Variants in PRKG1 observed in about 807,000 individuals in gnomAD.
PRKG1 encodes the protein cGMP-dependent protein kinase 1.
A neutral mutation model predicts 88.1 loss-of-function variants in PRKG1; 35 were observed. The observed-to-expected ratio is 0.40, with a 90% confidence interval of 0.30 to 0.53. The LOEUF (loss-of-function observed/expected upper bound fraction) is 0.53, where lower values mean the gene tolerates loss of function less well. PRKG1 is among the 20% of genes least tolerant of loss of function. The pLI is 0.59. For synonymous variants in PRKG1, 303 were observed against 292.5 expected, an observed-to-expected ratio of 1.04 and a Z score of -0.37; for missense variants, 540 against 839.8, an observed-to-expected ratio of 0.64 and a Z score of 4.41.
intron 10 of PRKG1, among the ~76,000 whole-genome samples, chr10:52,267,148 C>T (rs2339984): frequency 0.026 from 4,005 of 152,006 alleles, 283 homozygotes; most frequent in East Asian, 0.23. Flanking sequence ...TAAATGTCAC[C>T]TTACAATTCA....
At chr10:51,852,777 A>G (rs540832038) in intron 4 of PRKG1, among the ~76,000 whole-genome samples, 1 of 152,310 alleles carries the variant, frequency 6.6e-6, no homozygotes, top group South Asian at 2.1e-4. Flanking sequence ...CTGGCACCAC[A>G]AAATTATGTA....
chr10:52,227,973 G>A (rs1252090386), intron 9 of PRKG1, among the ~76,000 whole-genome samples: 3 of 152,034 alleles, frequency 2.0e-5, no homozygotes, highest in East Asian at 1.9e-4. Context: ...GGAAGTTAGC[G>A]ATGCCATAGC....
At chr10:52,277,560 T>C (rs1017730358) in intron 12 of PRKG1, among the ~76,000 whole-genome samples, 1 of 152,146 alleles carries the variant, frequency 6.6e-6, no homozygotes, top group African/African-American at 2.4e-5. Context: ...AGATAGTTAC[T>C]GTTATTAGCC....
At chr10:51,512,979 T>G (rs932786887) in intron 3 of PRKG1, among the ~76,000 whole-genome samples, 1 of 145,642 alleles carries the variant, frequency 6.9e-6, no homozygotes, top group Admixed American at 7.0e-5. Context: ...ATTTTTTGGC[T>G]GCATAAATGT....
intron 1 of PRKG1, among the ~76,000 whole-genome samples, chr10:51,067,186 T>C (rs1843761171): frequency 6.7e-6 from 1 of 148,702 alleles, no homozygotes; most frequent in Non-Finnish European, 1.5e-5. Flanking sequence ...CTGTGGGAGG[T>C]GGGATAGGAT....
At chr10:51,438,052 T>TA (rs1838989046) in intron 2 of PRKG1, among the ~76,000 whole-genome samples, 1 of 151,810 alleles carries the variant, frequency 6.6e-6, no homozygotes, top group African/African-American at 2.4e-5. Context: ...TATAGACTCT[T>TA]AGGTTCTATT....
chr10:51,195,877 T>C (rs932707794), intron 2 of PRKG1, among the ~76,000 whole-genome samples: 7 of 152,338 alleles, frequency 4.6e-5, no homozygotes, highest in Non-Finnish European at 7.4e-5. Context: ...CCCTGTGATA[T>C]GAGCTGGAGA....
At chr10:52,027,019 AT>A (rs140793862) in intron 5 of PRKG1, among the ~76,000 whole-genome samples, 6,155 of 152,262 alleles carry the variant, frequency 0.04, 286 homozygotes, top group African/African-American at 0.12. Context: ...TATGAATTAT[AT>A]CTCAATTTAA....
chr10:52,176,478 C>T (rs950202501), intron 9 of PRKG1, among the ~76,000 whole-genome samples: 21 of 151,960 alleles, frequency 1.4e-4, no homozygotes, highest in African/African-American at 4.8e-4. Flanking sequence ...TACCACCCAC[C>T]ACCAGGATTG....
chr10:52,214,009 G>A (rs769312717), intron 9 of PRKG1, among the ~76,000 whole-genome samples: 1 of 152,028 alleles, frequency 6.6e-6, no homozygotes, highest in Admixed American at 6.6e-5. Flanking sequence ...AATTTGATGA[G>A]CATTTACGAT....
At chr10:51,314,654 TAAG>T (rs1438204935) in intron 2 of PRKG1, among the ~76,000 whole-genome samples, 7 of 152,204 alleles carry the variant, frequency 4.6e-5, no homozygotes, top group African/African-American at 1.7e-4. Context: ...TACTGACAAC[TAAG>T]AAGAATTATG....
chr10:51,844,715 T>A (rs1027964336), intron 4 of PRKG1, among the ~76,000 whole-genome samples: 1 of 152,138 alleles, frequency 6.6e-6, no homozygotes, highest in African/African-American at 2.4e-5. Flanking sequence ...TGAAGGAATG[T>A]CAGGGGCTTA....
At chr10:52,084,046 A>G (rs1846847870) in intron 7 of PRKG1, among the ~76,000 whole-genome samples, 1 of 152,046 alleles carries the variant, frequency 6.6e-6, no homozygotes, top group African/African-American at 2.4e-5. Context: ...AACTTTGCTA[A>G]AAGAATATAG....
chr10:51,857,207 A>G (rs1840705800), intron 4 of PRKG1, among the ~76,000 whole-genome samples: 2 of 152,172 alleles, frequency 1.3e-5, no homozygotes, highest in Non-Finnish European at 2.9e-5. Context: ...AGTGAAACTG[A>G]AGAGCTAGAT....
chr10:51,575,164 CAGA>C (rs1476206549), intron 3 of PRKG1, among the ~76,000 whole-genome samples: 1 of 151,934 alleles, frequency 6.6e-6, no homozygotes, highest in Non-Finnish European at 1.5e-5. Flanking sequence ...AGCTGGGTTC[CAGA>C]AGTTTATTAA....
chr10:51,392,472 C>T (rs1432916618), intron 2 of PRKG1, among the ~76,000 whole-genome samples: 1 of 152,128 alleles, frequency 6.6e-6, no homozygotes, highest in Non-Finnish European at 1.5e-5. Flanking sequence ...CCACAGGATC[C>T]CATGGCAGAA....
chr10:52,167,151 G>A (rs35468151), intron 9 of PRKG1, among the ~76,000 whole-genome samples: 27,972 of 151,948 alleles, frequency 0.18, 2,974 homozygotes, highest in Non-Finnish European at 0.24. Context: ...TGTACAGGAA[G>A]CATAGTTCTG....
intron 3 of PRKG1, among the ~76,000 whole-genome samples, chr10:51,639,492 A>G (rs1315779111): frequency 1.4e-5 from 2 of 145,808 alleles, no homozygotes; most frequent in African/African-American, 5.0e-5. Flanking sequence ...ATGAGATTAA[A>G]AAAAAGACTG....
intron 3 of PRKG1, chr10:51,696,069 T>G (rs990204952): frequency 1.3e-5 from 2 of 152,192 alleles, no homozygotes; most frequent in Admixed American, 6.6e-5. Context: ...TTTAATTGTC[T>G]CATTGGTATG....
Sources: allele counts gnomAD v4.1 joint callset (sites outside exome capture counted in the v4.1 genomes callset), GRCh38; gene constraint gnomAD v4.1.1; transcripts MANE v1.5; gene names NCBI Gene and HGNC (gene_info 2026-07-23, HGNC 2026-07-21).